Variants in KALRN observed in about 807,000 individuals in gnomAD.
KALRN encodes the protein kalirin.
A neutral mutation model predicts 353.7 loss-of-function variants in KALRN; 70 were observed. The ratio of observed to expected loss-of-function variants is 0.20; its 90% CI spans 0.16 to 0.24. The LOEUF is 0.24. KALRN is among the 10% of genes least tolerant of loss of function. KALRN has a pLI of 1.00. For synonymous variants in KALRN, 1,391 were observed against 1,434.8 expected, an observed-to-expected ratio of 0.97 and a Z score of 0.69; for missense variants, 2,791 against 3,756.7, an observed-to-expected ratio of 0.74 and a Z score of 6.72.
At chr3:124,156,821 C>T (rs1487934763) in intron 1 of KALRN, among the ~76,000 whole-genome samples, 1 of 152,188 alleles carries the variant, frequency 6.6e-6, no homozygotes, top group Non-Finnish European at 1.5e-5. Context: ...TCCCAATTGT[C>T]ATGCCTTATT....
At chr3:124,120,997 G>C (rs1418894650) in intron 1 of KALRN, among the ~76,000 whole-genome samples, 2 of 147,450 alleles carry the variant, frequency 1.4e-5, no homozygotes, top group African/African-American at 5.0e-5. Flanking sequence ...GGGAAGCTGA[G>C]GCATGAGAAT....
intron 1 of KALRN, among the ~76,000 whole-genome samples, chr3:124,171,417 ATATCT>A (rs2071804109): frequency 6.6e-6 from 1 of 152,084 alleles, no homozygotes; most frequent in Non-Finnish European, 1.5e-5. Flanking sequence ...TCTTTTTGTG[ATATCT>A]TATCCACTAG....
chr3:124,137,736 T>C (rs1030105852), intron 1 of KALRN, among the ~76,000 whole-genome samples: 1 of 152,032 alleles, frequency 6.6e-6, no homozygotes, highest in Middle Eastern at 3.2e-3. Flanking sequence ...GGAGGAAAGC[T>C]CTCTCTCCTT....
chr3:124,308,072 A>G (rs2077880171), intron 6 of KALRN, among the ~76,000 whole-genome samples: 1 of 152,042 alleles, frequency 6.6e-6, no homozygotes, highest in African/African-American at 2.4e-5. Flanking sequence ...TACTAAAGAT[A>G]AAAAGCAACT....
At chr3:124,509,217 T>A (rs575101369) in intron 33 of KALRN, among the ~76,000 whole-genome samples, 53 of 151,448 alleles carry the variant, frequency 3.5e-4, no homozygotes, top group African/African-American at 1.2e-3. Flanking sequence ...ACATTTTGTA[T>A]TTTTTTTTGA....
At chr3:124,257,126 G>T (rs1259935210) in intron 3 of KALRN, among the ~76,000 whole-genome samples, 2 of 152,178 alleles carry the variant, frequency 1.3e-5, no homozygotes, top group Non-Finnish European at 2.9e-5. Flanking sequence ...TGTAGTTGTT[G>T]TTCACCTTGC....
chr3:124,432,937 G>T (rs147377095), intron 16 of KALRN, among the ~76,000 whole-genome samples: 1 of 152,356 alleles, frequency 6.6e-6, no homozygotes, highest in African/African-American at 2.4e-5. Context: ...GGTAGGCAGA[G>T]TCTGCATTGC....
chr3:124,301,378 A>T (rs1709370998), intron 6 of KALRN, among the ~76,000 whole-genome samples: 1 of 152,220 alleles, frequency 6.6e-6, no homozygotes, highest in African/African-American at 2.4e-5. Flanking sequence ...GAAGAGATTT[A>T]GTATGCAACA....
intron 1 of KALRN, among the ~76,000 whole-genome samples, chr3:124,070,523 C>T (rs2059966748): frequency 6.6e-6 from 1 of 152,192 alleles, no homozygotes; most frequent in Admixed American, 6.5e-5. Context: ...TATGACATCA[C>T]CCTGTTTCCA....
rs1003482011 is a variant in KALRN, at chr3:124,472,571, GTA to G, written c.4032-2088_4032-2087del. ...TAATTTTAAATTAAAATGTGTGTGT[GTA>G]TATGTGTGTGTGTGTGTGTGTGTGT... On this transcript the variant is annotated intron_variant, in intron 25 of 59. Transcript: ENST00000682506. 1.3e-4 allele frequency among the ~76,000 whole-genome samples: 15 copies of G among 111,584 alleles called. 1 individual carries two copies. The East Asian group carries it at 1.9e-3, about 14-fold the overall frequency. The allele number at this position is 111,584 out of a possible 152,430, so 73.2% of individuals were successfully genotyped here. A position where few individuals can be genotyped will look rare whatever the true frequency, so the allele number is the denominator to read the frequency against.
intron 41 of KALRN, 100 bp from the exon 42 acceptor site, chr3:124,658,331 C>T (rs1476080982): frequency 4.6e-6 from 4 of 868,550 alleles, no homozygotes; most frequent in Non-Finnish European, 7.9e-6. Flanking sequence ...CCCAAGTGCG[C>T]CTTTGTCCTT....
chr3:124,407,099 C>T (rs2091640705), intron 13 of KALRN, among the ~76,000 whole-genome samples: 1 of 152,084 alleles, frequency 6.6e-6, no homozygotes, highest in African/African-American at 2.4e-5. Context: ...GTTGGGATTA[C>T]AGGCGTGAGT....
intron 37 of KALRN, among the ~76,000 whole-genome samples, chr3:124,638,380 A>C (rs2149916659): frequency 6.6e-6 from 1 of 151,536 alleles, no homozygotes; most frequent in East Asian, 1.9e-4. Context: ...ACCTAGTGTC[A>C]AACTCCTGAA....
intron 3 of KALRN, among the ~76,000 whole-genome samples, chr3:124,251,379 C>G (rs147069753): frequency 8.3e-6 from 1 of 120,592 alleles, no homozygotes; most frequent in Non-Finnish European, 1.7e-5. Flanking sequence ...TTCTTTTTTT[C>G]TTTTTTTTTG....
At chr3:124,607,550 A>G (rs1315165495) in intron 34 of KALRN, among the ~76,000 whole-genome samples, 1 of 152,246 alleles carries the variant, frequency 6.6e-6, no homozygotes, top group Non-Finnish European at 1.5e-5. Context: ...AAAGTAATAC[A>G]TACTTGTAGC....
intron 34 of KALRN, among the ~76,000 whole-genome samples, chr3:124,564,473 T>G (rs2072533985): frequency 6.6e-6 from 1 of 151,856 alleles, no homozygotes; most frequent in Admixed American, 6.6e-5. Context: ...GCTAGGAGTT[T>G]GAGACCAGAC....
At chr3:124,590,933 A>G (rs1355217411) in intron 34 of KALRN, among the ~76,000 whole-genome samples, 1 of 152,190 alleles carries the variant, frequency 6.6e-6, no homozygotes, top group Non-Finnish European at 1.5e-5. Context: ...CTTTTCTGAT[A>G]TTCTTTCCTC....
intron 53 of KALRN, among the ~76,000 whole-genome samples, chr3:124,695,879 CT>C (rs1265762700): frequency 6.6e-6 from 1 of 152,066 alleles, no homozygotes; most frequent in Non-Finnish European, 1.5e-5. Context: ...TGCTCTAATT[CT>C]TATGTCATTT....
chr3:124,588,939 A>C (rs1275742943), intron 34 of KALRN, among the ~76,000 whole-genome samples: 1 of 152,198 alleles, frequency 6.6e-6, no homozygotes, highest in South Asian at 2.1e-4. Flanking sequence ...AACATCTCAG[A>C]GGTAAAGAGA....
Sources: gnomAD v4.1 joint callset for allele counts (sites outside exome capture counted in the v4.1 genomes callset) on GRCh38, gnomAD v4.1.1 for gene constraint, MANE v1.5 for transcripts, NCBI Gene and HGNC (gene_info 2026-07-23, HGNC 2026-07-21) for gene names.